The following FHIT variants were observed in gnomAD, a reference collection of about 807,000 sequenced individuals.
FHIT encodes the protein bis(5'-adenosyl)-triphosphatase.
A neutral mutation model predicts 17.9 loss-of-function variants in FHIT; 19 were observed. The ratio of observed to expected loss-of-function variants is 1.06; its 90% CI spans 0.74 to 1.56. The LOEUF (loss-of-function observed/expected upper bound fraction) is 1.56. FHIT is among the 40% of genes most tolerant of loss of function. The pLI is 0.00. For missense variants in FHIT, 248 were observed against 189.2 expected (o/e 1.31, Z -1.82); for synonymous variants, 81 against 69.7 (o/e 1.16, Z -0.81).
At chr3:60,862,144 A>C (rs561633016) in intron 3 of FHIT, among the ~76,000 whole-genome samples, 1 of 152,214 alleles carries the variant, frequency 6.6e-6, no homozygotes, top group African/African-American at 2.4e-5. Context: ...CATAGAGATG[A>C]AAGGTAAATA....
chr3:60,026,316 A>AG (rs1395354144), intron 5 of FHIT, among the ~76,000 whole-genome samples: 3 of 114,876 alleles, frequency 2.6e-5, no homozygotes, highest in Admixed American at 8.7e-5. Flanking sequence ...TGGTTGGTTT[A>AG]GAAAAAAAAA....
At chr3:60,459,629 C>T (rs1157816907) in intron 5 of FHIT, among the ~76,000 whole-genome samples, 1 of 152,190 alleles carries the variant, frequency 6.6e-6, no homozygotes, top group Admixed American at 6.5e-5. Context: ...AACAATAAAG[C>T]TGATTATAAA....
At chr3:60,911,273 C>A (rs146484497) in intron 3 of FHIT, among the ~76,000 whole-genome samples, 7 of 151,866 alleles carry the variant, frequency 4.6e-5, no homozygotes, top group African/African-American at 1.7e-4. Context: ...TTAATGATAC[C>A]CTTTTGTGTG....
intron 5 of FHIT, among the ~76,000 whole-genome samples, chr3:60,342,501 T>C (rs1051242974): frequency 1.3e-5 from 2 of 152,240 alleles, no homozygotes; most frequent in Non-Finnish European, 2.9e-5. Context: ...ACAGTTTGTG[T>C]CTTTAAATAC....
chr3:61,225,955 A>G (rs1026148406), intron 1 of FHIT, among the ~76,000 whole-genome samples: 2 of 152,156 alleles, frequency 1.3e-5, no homozygotes, highest in Non-Finnish European at 2.9e-5. Flanking sequence ...CCAAGCTTAT[A>G]AAATATTAAC....
intron 4 of FHIT, among the ~76,000 whole-genome samples, chr3:60,628,010 G>T (rs1050684812): frequency 6.6e-6 from 1 of 151,848 alleles, no homozygotes; most frequent in Non-Finnish European, 1.5e-5. Context: ...GCTTTGTGTG[G>T]TTTACTCATT....
chr3:60,314,356 T>C (rs1042487787), intron 5 of FHIT, among the ~76,000 whole-genome samples: 1 of 152,178 alleles, frequency 6.6e-6, no homozygotes, highest in Admixed American at 6.6e-5. Context: ...CTGGCTTCAA[T>C]CTGACAGTTA....
chr3:61,103,483 C>A (rs2035896997), intron 2 of FHIT, among the ~76,000 whole-genome samples: 2 of 152,104 alleles, frequency 1.3e-5, no homozygotes. Flanking sequence ...ACTTTGTGGT[C>A]AATTTTAGAA....
rs1553666008 is a variant in FHIT, at chr3:60,595,532, C to CACATAT, written c.-17-58554_-17-58553insATATGT. 2.2e-3 allele frequency among the ~76,000 whole-genome samples: 327 copies of CACATAT among 148,908 alleles called. 1 individual carries two copies. The highest frequency in any genetic ancestry group is 7.6e-3 in the African/African-American group (309 of 40,454). On this transcript the variant is annotated intron_variant, in intron 4 of 9. Coordinates refer to ENST00000492590, the MANE Select transcript of FHIT (RefSeq NM_002012.4). Reference sequence around the variant, plus strand: ...GTGTATATATATATGGACACACACACATATATATGTGTGTGTATATATGGA... The same window carrying CACATAT: ...GTGTATATATATATGGACACACACACACATATATATATATGTGTGTGTATATATGGA...
intron 5 of FHIT, among the ~76,000 whole-genome samples, chr3:60,448,349 T>G (rs2031487179): frequency 6.6e-6 from 1 of 152,228 alleles, no homozygotes; most frequent in Admixed American, 6.5e-5. Context: ...CAAAAAAACT[T>G]AGGTCTAAAA....
chr3:60,529,517 C>T (rs903407639), intron 5 of FHIT, among the ~76,000 whole-genome samples: 1 of 152,196 alleles, frequency 6.6e-6, no homozygotes, highest in South Asian at 2.1e-4. Flanking sequence ...TTACATGACA[C>T]TTCTTATAAA....
At chr3:59,884,394 A>C (rs552641791) in intron 8 of FHIT, among the ~76,000 whole-genome samples, 1 of 152,256 alleles carries the variant, frequency 6.6e-6, no homozygotes, top group Non-Finnish European at 1.5e-5. Flanking sequence ...CACAAAAACC[A>C]GTTGTTAATA....
intron 3 of FHIT, among the ~76,000 whole-genome samples, chr3:60,904,446 G>A (rs1408075482): frequency 6.7e-6 from 1 of 148,344 alleles, no homozygotes; most frequent in Non-Finnish European, 1.5e-5. Context: ...TAGATGTGGG[G>A]AAAGCCTTTC....
chr3:60,712,279 C>G (rs1188445133), intron 4 of FHIT, among the ~76,000 whole-genome samples: 1 of 152,140 alleles, frequency 6.6e-6, no homozygotes. Context: ...GAAGGAAGCA[C>G]TGAACATGGA....
chr3:60,177,991 G>C (rs911360704), intron 5 of FHIT, among the ~76,000 whole-genome samples: 2 of 152,218 alleles, frequency 1.3e-5, no homozygotes, highest in African/African-American at 2.4e-5. Context: ...AATGCTGAGA[G>C]TCCTAGCTAC....
At chr3:60,695,340 G>A (rs1443234174) in intron 4 of FHIT, among the ~76,000 whole-genome samples, 3 of 152,134 alleles carry the variant, frequency 2.0e-5, no homozygotes, top group African/African-American at 4.8e-5. Context: ...AGGTTGCAGT[G>A]AGCCGAGATT....
At chr3:60,847,830 G>T (rs1330581824) in intron 3 of FHIT, among the ~76,000 whole-genome samples, 1 of 151,636 alleles carries the variant, frequency 6.6e-6, no homozygotes, top group Non-Finnish European at 1.5e-5. Flanking sequence ...CATTTTTTTT[G>T]GTCCCCGTAT....
intron 5 of FHIT, among the ~76,000 whole-genome samples, chr3:60,462,063 T>C (rs988680232): frequency 5.3e-5 from 8 of 152,256 alleles, no homozygotes; most frequent in Admixed American, 3.9e-4. Context: ...ACTGAATGGG[T>C]GCCCCACAGT....
intron 5 of FHIT, among the ~76,000 whole-genome samples, chr3:60,289,578 A>G (rs1707884032): frequency 6.6e-6 from 1 of 152,204 alleles, no homozygotes; most frequent in Non-Finnish European, 1.5e-5. Flanking sequence ...GGCAACAAAA[A>G]TGTTCAAAAG....
Sources: allele counts gnomAD v4.1 joint callset (sites outside exome capture counted in the v4.1 genomes callset), GRCh38; gene constraint gnomAD v4.1.1; transcripts MANE v1.5; gene names NCBI Gene and HGNC (gene_info 2026-07-23, HGNC 2026-07-21).